NDRG3: variants seen among roughly 807,000 people sequenced by gnomAD.
The protein encoded by NDRG3 is NDRG family member 3.
A neutral mutation model predicts 57.2 loss-of-function variants in NDRG3; 23 were observed. The ratio of observed to expected loss-of-function variants is 0.40; its 90% CI spans 0.29 to 0.57. NDRG3 has a LOEUF of 0.57. Ranked by LOEUF, NDRG3 falls within the 20% of genes least tolerant of loss-of-function variation. The pLI is 0.42. For missense variants in NDRG3, 384 were observed against 457.3 expected, an observed-to-expected ratio of 0.84 and a Z score of 1.46; for synonymous variants, 132 against 162.6, an observed-to-expected ratio of 0.81 and a Z score of 1.43.
At chr20:36,693,784 A>T (rs1982542105) in intron 3 of NDRG3, among the ~76,000 whole-genome samples, 1 of 151,622 alleles carries the variant, frequency 6.6e-6, no homozygotes, top group Non-Finnish European at 1.5e-5. Flanking sequence ...GGGACCATCT[A>T]GTTGCAGGAA....
intron 2 of NDRG3, among the ~76,000 whole-genome samples, chr20:36,714,555 C>T (rs1984114591): frequency 6.6e-6 from 1 of 151,090 alleles, no homozygotes; most frequent in African/African-American, 2.4e-5. Flanking sequence ...CATTCTCCTG[C>T]CTCAGCCTCC....
At chr20:36,738,478 G>A (rs750944161) in intron 1 of NDRG3, among the ~76,000 whole-genome samples, 27 of 151,680 alleles carry the variant, frequency 1.8e-4, no homozygotes, top group African/African-American at 3.1e-4. Context: ...ACTCTAGACC[G>A]GGCAAAAGAG....
At chr20:36,708,813 C>G (rs531495854) in intron 2 of NDRG3, among the ~76,000 whole-genome samples, 1 of 151,884 alleles carries the variant, frequency 6.6e-6, no homozygotes, top group African/African-American at 2.4e-5. Context: ...CCAAGGCGGG[C>G]GGATCACCTG....
rs1986181812 is a variant in NDRG3 at position 36,746,076 on chromosome 20, A to AGCAGCGGCGGCG, written c.-92_-81dup. ...CGCGGGCACCCGCCGTCAGTGCAGC[A>AGCAGCGGCGGCG]GCAGCGGCGGCGGCGGCGGCGGCGG... On this transcript the variant is annotated 5_prime_UTR_variant, in exon 1 of 16. Coordinates refer to ENST00000349004, the MANE Select transcript of NDRG3 (RefSeq NM_032013.4). 2 of 291,634 alleles carry AGCAGCGGCGGCG rather than the reference A, an allele frequency of 6.9e-6. No homozygotes were observed. 18.1% of individuals were successfully genotyped at this position (291,634 alleles called of 1,614,324 possible).
At chr20:36,682,439 TG>T in intron 7 of NDRG3, 78 bp downstream of exon 7, 1 of 1,158,784 alleles carries the variant, frequency 8.6e-7, no homozygotes, top group Non-Finnish European at 1.3e-6. Flanking sequence ...GAATACTGCC[TG>T]GTCATTTAAC....
At chr20:36,664,994 A>G in intron 12 of NDRG3, 52 bp downstream of exon 12, 1 of 1,576,906 alleles carries the variant, frequency 6.3e-7, no homozygotes. Context: ...TGGCCTACAC[A>G]TTTTATTACA....
At chr20:36,656,317 T>C (rs755745604) in intron 15 of NDRG3, 43 bp downstream of exon 15, 150 of 1,592,542 alleles carry the variant, frequency 9.4e-5, no homozygotes, top group Non-Finnish European at 1.2e-4. Context: ...TGGCTCCCAA[T>C]ATTCCTAAAT....
chr20:36,665,179 A>G (rs1979518130), intron 11 of NDRG3, 57 bp downstream of exon 11: 4 of 1,607,804 alleles, frequency 2.5e-6, no homozygotes, highest in Admixed American at 1.7e-5. Context: ...ATGAAAGTCT[A>G]TGAACACCAA....
At chr20:36,669,584 C>A (rs149839767) in intron 9 of NDRG3, among the ~76,000 whole-genome samples, 14 of 152,066 alleles carry the variant, frequency 9.2e-5, no homozygotes, top group African/African-American at 2.9e-4. Context: ...AGGCTGGACT[C>A]GAACTCCCAA....
intron 3 of NDRG3, among the ~76,000 whole-genome samples, chr20:36,706,459 G>A (rs191497200): frequency 6.6e-6 from 1 of 152,130 alleles, no homozygotes; most frequent in African/African-American, 2.4e-5. Flanking sequence ...CATAAAACAG[G>A]TACCTGGCAG....
intron 12 of NDRG3, among the ~76,000 whole-genome samples, chr20:36,661,154 T>C (rs1415768233): frequency 6.6e-6 from 1 of 152,168 alleles, no homozygotes; most frequent in Non-Finnish European, 1.5e-5. Context: ...CTTAGTGGGT[T>C]TGCCATTCTT....
chr20:36,707,854 C>T (rs1200570107), intron 2 of NDRG3, among the ~76,000 whole-genome samples: 1 of 152,040 alleles, frequency 6.6e-6, no homozygotes, highest in African/African-American at 2.4e-5. Flanking sequence ...GAGGCTGAGG[C>T]AGGCAGATCA....
chr20:36,721,809 G>C, intron 1 of NDRG3, 26 bp from the exon 2 acceptor site: 2 of 1,091,416 alleles, frequency 1.8e-6, no homozygotes, highest in Non-Finnish European at 1.4e-6. Context: ...AAGAAGTGAA[G>C]AAAAAGGCTT....
At chr20:36,692,754 G>T (rs1236039825) in intron 3 of NDRG3, among the ~76,000 whole-genome samples, 1 of 151,712 alleles carries the variant, frequency 6.6e-6, no homozygotes, top group Non-Finnish European at 1.5e-5. Context: ...GCTATATTGG[G>T]TGGGTTTGCA....
chr20:36,684,322 T>C (rs1981587563), intron 6 of NDRG3, 91 bp downstream of exon 6: 1 of 1,041,446 alleles, frequency 9.6e-7, no homozygotes, highest in African/African-American at 1.6e-5. Flanking sequence ...ATAATATTTT[T>C]CCTAACCATC....
intron 6 of NDRG3, among the ~76,000 whole-genome samples, chr20:36,683,478 A>T (rs981550025): frequency 2.6e-5 from 4 of 151,840 alleles, no homozygotes; most frequent in Non-Finnish European, 5.9e-5. Context: ...TTAGCCAGGC[A>T]TGGTGGCCTG....
At chr20:36,702,279 G>A (rs1439190075) in intron 3 of NDRG3, among the ~76,000 whole-genome samples, 1 of 151,644 alleles carries the variant, frequency 6.6e-6, no homozygotes, top group African/African-American at 2.4e-5. Flanking sequence ...AGGGACCACA[G>A]GTGCCCGCCA....
rs1238399472 is a variant in NDRG3, at chr20:36,684,490, G to A, written c.321-15C>T. 1 of 1,608,272 alleles carries A rather than the reference G, an allele frequency of 6.2e-7. No homozygotes were observed. The highest frequency in any genetic ancestry group is 2.2e-5 in the East Asian group (1 of 44,836). On this transcript the variant is annotated splice_polypyrimidine_tract_variant and intron_variant, in intron 5 of 15. Coordinates refer to ENST00000349004, the MANE Select transcript of NDRG3 (RefSeq NM_032013.4). The stretch of plus-strand genomic sequence containing the variant: ...GGTACTGATACCTGCAATCCAGAAG[G>A]ATATCTCCTGAATTAGAAAGCACTC...
chr20:36,730,316 A>G (rs946768624), intron 1 of NDRG3, among the ~76,000 whole-genome samples: 2 of 151,302 alleles, frequency 1.3e-5, no homozygotes, highest in African/African-American at 4.9e-5. Context: ...GTGCAGTGGC[A>G]CCATCTTAGC....
Sources: gnomAD v4.1 joint callset for allele counts (sites outside exome capture counted in the v4.1 genomes callset) on GRCh38, gnomAD v4.1.1 for gene constraint, MANE v1.5 for transcripts, NCBI Gene and HGNC (gene_info 2026-07-23, HGNC 2026-07-21) for gene names.